The following HSD17B3 variants were observed in gnomAD, a reference collection of about 807,000 sequenced individuals.
The protein encoded by HSD17B3 is hydroxysteroid 17-beta dehydrogenase 3.
Under a neutral mutation model 41.1 loss-of-function variants are expected in HSD17B3, and 29 were observed. That is an observed-to-expected ratio of 0.71 (90% CI 0.53 to 0.96). The LOEUF (loss-of-function observed/expected upper bound fraction) is 0.96. HSD17B3 is among the 40% of genes least tolerant of loss of function. HSD17B3 has a pLI of 0.00. For missense variants in HSD17B3, 323 were observed against 374.6 expected (o/e 0.86, Z 1.14); for synonymous variants, 126 against 145.6 (o/e 0.87, Z 0.97).
chr9:96,238,808 G>A (rs1455530841), intron 10 of HSD17B3, among the ~76,000 whole-genome samples: 1 of 152,220 alleles, frequency 6.6e-6, no homozygotes, highest in East Asian at 1.9e-4. Flanking sequence ...GCGCATGAAG[G>A]ATGGAGAAGT....
chr9:96,256,736 A>G (rs1421222320), intron 2 of HSD17B3, among the ~76,000 whole-genome samples: 3 of 151,936 alleles, frequency 2.0e-5, no homozygotes, highest in Non-Finnish European at 4.4e-5. Flanking sequence ...GGTCTATAAT[A>G]TATAGTCTCC....
rs1253596999 is a variant in HSD17B3 at position 96,251,424 on chromosome 9, T to G, written c.447A>C (p.Glu149Asp). The G allele has an allele frequency of 6.2e-7, 1 of 1,613,872 alleles. No homozygotes were observed. The highest frequency in any genetic ancestry group is 8.5e-7 in the Non-Finnish European group (1 of 1,179,732). ...LPSHFLNAPD[E>D]IQSLIHCNIT... is the part of the protein sequence containing the mutation. The stretch of plus-strand genomic sequence containing the variant: ...CAGAAGAGCACAAGTCTACCTGGAT[T>G]TCATCCGGTGCGTTCAGGAAATGGC... Residue 149 changes from glutamate to aspartate, a missense_variant, in exon 5 of 11, where the codon GAA (glutamate) becomes GAC (aspartate). Glu to Asp is a conservative substitution (Grantham distance 45). Transcript: ENST00000375263.
In HSD17B3 at chr9:96,252,910, T is replaced by A; in HGVS notation, c.278A>T (p.Glu93Val). Reference protein sequence around the residue: ...EKLEAIATEIERTTGRSVKII... With the variant: ...EKLEAIATEIVRTTGRSVKII... Reference sequence around the variant, plus strand: ...CTTCACACTCCTCCCTGTAGTCCGCTCTACACGAGAGACAACAGTTTTTTT... The same window carrying A: ...CTTCACACTCCTCCCTGTAGTCCGCACTACACGAGAGACAACAGTTTTTTT... Residue 93 changes from glutamate to valine, a missense_variant and splice_region_variant, in exon 4 of 11, where the codon GAG becomes GTG. Transcript: ENST00000375263. 6.3e-7 allele frequency: 1 copy of A among 1,594,850 alleles called. No individual in the cohort carries two copies. Among genetic ancestry groups the A allele is most frequent in the Non-Finnish European group, 8.6e-7 (1 of 1,162,606 alleles).
intron 2 of HSD17B3, among the ~76,000 whole-genome samples, chr9:96,294,670 T>C (rs1197170309): frequency 6.6e-6 from 1 of 152,220 alleles, no homozygotes. Flanking sequence ...TATTAGGTCT[T>C]TCCAAAACCT....
Position 96,244,387 on chromosome 9 carries a change from A to C in HSD17B3, c.614T>G (p.Val205Gly). ...YSMYSASKAF[V>G]CAFSKALQEE... Reference sequence around the variant, plus strand: ...TTGCAGGGCCTTGGAAAATGCGCACACAAACGCCTGGAGCAAGAAGGAGAG... The same window carrying C: ...TTGCAGGGCCTTGGAAAATGCGCACCCAAACGCCTGGAGCAAGAAGGAGAG... Residue 205 changes from valine (V) to glycine (G), a missense_variant, in exon 9 of 11, where the codon GTG (valine) becomes GGG (glycine). Val to Gly is a moderately radical substitution (Grantham distance 109). Transcript: ENST00000375263. The C allele has an allele frequency of 6.2e-7, 1 of 1,614,168 alleles. No individual in the cohort carries two copies. The highest frequency in any genetic ancestry group is 8.5e-7 in the Non-Finnish European group (1 of 1,180,032).
At chr9:96,262,884 CTGAG>C (rs1414200773) in intron 2 of HSD17B3, among the ~76,000 whole-genome samples, 1 of 152,154 alleles carries the variant, frequency 6.6e-6, no homozygotes, top group Non-Finnish European at 1.5e-5. Flanking sequence ...GAAGCCCCAT[CTGAG>C]TATTTGCCAT....
chr9:96,242,703 A>C (rs1836503116), intron 9 of HSD17B3, among the ~76,000 whole-genome samples: 1 of 152,054 alleles, frequency 6.6e-6, no homozygotes, highest in Non-Finnish European at 1.5e-5. Context: ...AAGGGACTCC[A>C]TTTCCCCACC....
intron 2 of HSD17B3, among the ~76,000 whole-genome samples, chr9:96,286,275 C>T (rs1333533521): frequency 1.3e-5 from 2 of 151,772 alleles, no homozygotes; most frequent in Non-Finnish European, 1.5e-5. Flanking sequence ...ACCCGGGAGG[C>T]GGAGGTTGCA....
At chr9:96,268,019 G>C (rs1029649273) in intron 2 of HSD17B3, among the ~76,000 whole-genome samples, 1 of 152,088 alleles carries the variant, frequency 6.6e-6, no homozygotes, top group Non-Finnish European at 1.5e-5. Flanking sequence ...CTGTCTCCTG[G>C]GTTCAAGCGA....
At chr9:96,286,694 A>C (rs1211738078) in intron 2 of HSD17B3, among the ~76,000 whole-genome samples, 4 of 136,318 alleles carry the variant, frequency 2.9e-5, no homozygotes, top group African/African-American at 1.0e-4. Flanking sequence ...TGTCTCAAAA[A>C]AAAAAAACAA....
intron 1 of HSD17B3, 84 bp downstream of exon 1, chr9:96,301,867 C>T: frequency 7.0e-7 from 1 of 1,426,096 alleles, no homozygotes; most frequent in African/African-American, 1.4e-5. Flanking sequence ...GGTGACAGAG[C>T]AAGTGTCTGT....
intron 2 of HSD17B3, among the ~76,000 whole-genome samples, chr9:96,261,257 A>G (rs1391002869): frequency 7.0e-6 from 1 of 142,718 alleles, no homozygotes; most frequent in Non-Finnish European, 1.5e-5. Context: ...GTGTTTATTC[A>G]TGATGTTGGC....
intron 7 of HSD17B3, 62 bp downstream of exon 7, chr9:96,246,494 G>T: frequency 6.8e-7 from 1 of 1,473,088 alleles, no homozygotes; most frequent in Non-Finnish European, 9.5e-7. Flanking sequence ...CAGTCCCTGA[G>T]TTAGCTGACC....
At chr9:96,272,538 C>A (rs1325517968) in intron 2 of HSD17B3, among the ~76,000 whole-genome samples, 1 of 145,950 alleles carries the variant, frequency 6.9e-6, no homozygotes, top group African/African-American at 2.5e-5. Context: ...ACTACACAAC[C>A]ATCATAATGG....
intron 10 of HSD17B3, among the ~76,000 whole-genome samples, chr9:96,237,003 A>T (rs1836261532): frequency 6.6e-6 from 1 of 152,184 alleles, no homozygotes; most frequent in South Asian, 2.1e-4. Context: ...ATATTTGAAG[A>T]CAAGGGACTA....
intron 1 of HSD17B3, among the ~76,000 whole-genome samples, chr9:96,301,117 C>T (rs1473099439): frequency 1.3e-5 from 2 of 152,180 alleles, no homozygotes; most frequent in Non-Finnish European, 2.9e-5. Context: ...TTAGCAAGGG[C>T]TGGGTAGCCT....
intron 2 of HSD17B3, among the ~76,000 whole-genome samples, chr9:96,258,396 T>C (rs1825743845): frequency 6.6e-6 from 1 of 152,220 alleles, no homozygotes; most frequent in Admixed American, 6.5e-5. Context: ...AATGTTGACT[T>C]AGTCATTTGC....
chr9:96,250,944 G>A lies in HSD17B3; in HGVS notation c.453+474C>T, dbSNP rs200431461. ...TAAAAATGTACTCCCAACCAACAAT[G>A]GCAGTCATGGGTCTGAGCCAAGTTT... On this transcript the variant is annotated intron_variant, in intron 5 of 10. Coordinates refer to ENST00000375263, the MANE Select transcript of HSD17B3 (RefSeq NM_000197.2). 2.0e-5 allele frequency among the ~76,000 whole-genome samples: 3 copies of A among 151,212 alleles called. No homozygotes were observed. In the East Asian group the frequency reaches 5.8e-4, roughly 29 times the overall value.
intron 9 of HSD17B3, 95 bp from the exon 10 acceptor site, chr9:96,241,002 G>A (rs1836420599): frequency 9.0e-6 from 13 of 1,439,516 alleles, no homozygotes; most frequent in African/African-American, 1.4e-5. Context: ...ACCATTTCCC[G>A]ACCCTTCTCT....
Sources: gnomAD v4.1 joint callset for allele counts (sites outside exome capture counted in the v4.1 genomes callset) on GRCh38, gnomAD v4.1.1 for gene constraint, MANE v1.5 for transcripts, NCBI Gene and HGNC (gene_info 2026-07-23, HGNC 2026-07-21) for gene names.